LTBP1: variants seen among roughly 807,000 people sequenced by gnomAD.
LTBP1 encodes latent transforming growth factor beta binding protein 1.
Under a neutral mutation model 207.6 loss-of-function variants are expected in LTBP1, and 129 were observed. That is an observed-to-expected ratio of 0.62 (90% CI 0.54 to 0.72). LTBP1 has a LOEUF of 0.72. LTBP1 is among the 30% of genes least tolerant of loss of function. The pLI is 0.00. For synonymous variants in LTBP1, 963 were observed against 833.7 expected (o/e 1.16, Z -2.67); for missense variants, 2,281 against 2,217.2 (o/e 1.03, Z -0.58).
intron 4 of LTBP1, among the ~76,000 whole-genome samples, chr2:33,117,386 T>C (rs2080808656): frequency 6.6e-6 from 1 of 152,198 alleles, no homozygotes; most frequent in South Asian, 2.1e-4. Context: ...TAAATGCTTA[T>C]GTCTCCCCTT....
intron 31 of LTBP1, among the ~76,000 whole-genome samples, chr2:33,379,213 T>C (rs1166990860): frequency 6.8e-6 from 1 of 147,952 alleles, no homozygotes; most frequent in Non-Finnish European, 1.5e-5. Context: ...TTTTTTTTTT[T>C]TTTTTTCTTT....
chr2:33,058,516 C>G (rs115194739), intron 3 of LTBP1, among the ~76,000 whole-genome samples: 2,342 of 152,288 alleles, frequency 0.015, 64 homozygotes, highest in African/African-American at 0.054. Flanking sequence ...TTTTCTCCCC[C>G]CTTCTTTTCA....
intron 19 of LTBP1, among the ~76,000 whole-genome samples, chr2:33,290,284 A>G (rs2093749275): frequency 6.6e-6 from 1 of 152,226 alleles, no homozygotes; most frequent in Non-Finnish European, 1.5e-5. Context: ...CCAAGCCTCA[A>G]CATGAGTTTT....
At chr2:32,999,484 G>A (rs146458457) in intron 2 of LTBP1, among the ~76,000 whole-genome samples, 3 of 135,736 alleles carry the variant, frequency 2.2e-5, no homozygotes, top group African/African-American at 7.7e-5. Context: ...GTGAAAAGGG[G>A]TCAGGACTCC....
chr2:33,034,537 A>G (rs947969855), intron 3 of LTBP1, among the ~76,000 whole-genome samples: 7 of 152,180 alleles, frequency 4.6e-5, no homozygotes, highest in East Asian at 3.9e-4. Flanking sequence ...CATATCATCT[A>G]GAATGATGAC....
chr2:33,166,955 T>C (rs1376746775), intron 5 of LTBP1, among the ~76,000 whole-genome samples: 7 of 152,136 alleles, frequency 4.6e-5, no homozygotes, highest in Non-Finnish European at 8.8e-5. Flanking sequence ...ACCAACACCC[T>C]CTACTCCCTT....
At chr2:32,969,318 GT>G (rs1444862292) in intron 2 of LTBP1, among the ~76,000 whole-genome samples, 1 of 139,136 alleles carries the variant, frequency 7.2e-6, no homozygotes, top group Non-Finnish European at 1.6e-5. Flanking sequence ...ACATGTGCAG[GT>G]TTGTTATATA....
intron 5 of LTBP1, among the ~76,000 whole-genome samples, chr2:33,152,067 T>C (rs146728756): frequency 0.015 from 2,264 of 152,238 alleles, 23 homozygotes; most frequent in East Asian, 0.027. Flanking sequence ...GATAAATAGC[T>C]GCAACTTAAT....
chr2:32,985,907 GC>G (rs1176019209), intron 2 of LTBP1, among the ~76,000 whole-genome samples: 1 of 151,938 alleles, frequency 6.6e-6, no homozygotes, highest in Non-Finnish European at 1.5e-5. Context: ...CTTCTGATTG[GC>G]TTCTTTCCTC....
chr2:33,280,778 C>G (rs2093544648), intron 19 of LTBP1, among the ~76,000 whole-genome samples: 1 of 152,158 alleles, frequency 6.6e-6, no homozygotes, highest in South Asian at 2.1e-4. Context: ...TGCTTAAGAA[C>G]TTACTATAGG....
intron 7 of LTBP1, among the ~76,000 whole-genome samples, chr2:33,189,194 G>T (rs564192829): frequency 6.6e-6 from 1 of 152,008 alleles, no homozygotes; most frequent in Admixed American, 6.6e-5. Flanking sequence ...TTTGTTTATT[G>T]ATTGATTGAT....
intron 3 of LTBP1, among the ~76,000 whole-genome samples, chr2:33,098,465 AC>A (rs2079519669): frequency 5.3e-5 from 8 of 151,938 alleles, no homozygotes; most frequent in Admixed American, 5.2e-4. Flanking sequence ...ACAGAGTCTC[AC>A]TCTGTTGCCC....
chr2:33,174,605 C>T (rs1284625399), intron 5 of LTBP1, among the ~76,000 whole-genome samples: 9 of 152,106 alleles, frequency 5.9e-5, no homozygotes, highest in African/African-American at 2.2e-4. Context: ...AGATTCAATG[C>T]CATCCCCATC....
intron 5 of LTBP1, among the ~76,000 whole-genome samples, chr2:33,137,899 A>G (rs1360820045): frequency 1.3e-5 from 2 of 152,144 alleles, no homozygotes; most frequent in African/African-American, 4.8e-5. Flanking sequence ...CCCATGATGT[A>G]TAAGAGGGAC....
At chr2:33,285,131 T>A (rs2093639188) in intron 19 of LTBP1, among the ~76,000 whole-genome samples, 1 of 143,166 alleles carries the variant, frequency 7.0e-6, no homozygotes, top group Non-Finnish European at 1.5e-5. Flanking sequence ...AACCTCCGCC[T>A]CCAGGGTTCA....
intron 31 of LTBP1, among the ~76,000 whole-genome samples, chr2:33,375,602 A>T (rs994023586): frequency 6.6e-6 from 1 of 151,992 alleles, no homozygotes; most frequent in African/African-American, 2.4e-5. Flanking sequence ...ATCTCGGCTC[A>T]CTGCAAGCTC....
At chr2:33,317,354 A>G (rs2094288485) in intron 24 of LTBP1, among the ~76,000 whole-genome samples, 1 of 152,388 alleles carries the variant, frequency 6.6e-6, no homozygotes, top group African/African-American at 2.4e-5. Context: ...GGTATTATAC[A>G]TGGTAGTATA....
chr2:33,399,497 GT>G lies in LTBP1; in HGVS notation c.*954del. On this transcript the variant is annotated 3_prime_UTR_variant, in exon 34 of 34. Coordinates refer to ENST00000404816, the MANE Select transcript of LTBP1 (RefSeq NM_206943.4). Reference sequence around the variant, plus strand: ...TTAATCATTAAATTTGTTAGATCTTGTTATGGGCTAAATTGTTTCCCCTAAC... The same window carrying G: ...TTAATCATTAAATTTGTTAGATCTTGTATGGGCTAAATTGTTTCCCCTAAC... 1 of 152,128 alleles carries G rather than the reference GT, an allele frequency of 6.6e-6. No homozygotes were observed. The highest frequency in any genetic ancestry group is 1.5e-5 in the Non-Finnish European group (1 of 68,024). The allele number at this position is 152,128 out of a possible 1,614,324, so 9.4% of individuals were successfully genotyped here. A position where few individuals can be genotyped will look rare whatever the true frequency, so the allele number is the denominator to read the frequency against.
At chr2:33,104,346 C>G (rs2079930086) in intron 3 of LTBP1, among the ~76,000 whole-genome samples, 1 of 152,276 alleles carries the variant, frequency 6.6e-6, no homozygotes, top group Non-Finnish European at 1.5e-5. Context: ...CTTGTTCTTT[C>G]TTTTCTGTGT....
Sources: allele counts gnomAD v4.1 joint callset (sites outside exome capture counted in the v4.1 genomes callset), GRCh38; gene constraint gnomAD v4.1.1; transcripts MANE v1.5; gene names NCBI Gene and HGNC (gene_info 2026-07-23, HGNC 2026-07-21).